Variants in MIER2 observed in about 807,000 individuals in gnomAD.
MIER2 encodes the protein mesoderm induction early response protein 2.
Under a neutral mutation model 67.6 loss-of-function variants are expected in MIER2, and 30 were observed. The observed-to-expected ratio is 0.44, with a 90% CI of 0.33 to 0.60. The LOEUF (loss-of-function observed/expected upper bound fraction) is 0.60. Among genes scored for constraint, MIER2 ranks in the 20% least tolerant of loss-of-function variants. MIER2 has a pLI of 0.02. For synonymous variants in MIER2, 372 were observed against 312.6 expected, an observed-to-expected ratio of 1.19 and a Z score of -2.00; for missense variants, 702 against 745.1, an observed-to-expected ratio of 0.94 and a Z score of 0.67.
chr19:314,866 G>T (rs993830310), intron 7 of MIER2, among the ~76,000 whole-genome samples: 2 of 151,980 alleles, frequency 1.3e-5, no homozygotes, highest in African/African-American at 4.8e-5. Flanking sequence ...GAGGTGGGAG[G>T]ATCGGTTGAG....
intron 7 of MIER2, among the ~76,000 whole-genome samples, chr19:324,715 A>AG (rs1287974190): frequency 3.3e-5 from 5 of 152,250 alleles, no homozygotes; most frequent in African/African-American, 9.6e-5. Context: ...ACCGAGTGGG[A>AG]GGGGCCAGCT....
At chr19:320,433 A>G (rs1366015580) in intron 7 of MIER2, among the ~76,000 whole-genome samples, 1 of 152,034 alleles carries the variant, frequency 6.6e-6, no homozygotes. Context: ...TAAAAAATAG[A>G]TACGTAAATA....
rs1272991965 is a variant in MIER2, at chr19:324,440, C to T, written c.655+1195G>A. ...ATAAAGACACACACAACCACGCAGA[C>T]GACTCGAATGACACAGACGTCATCA... is the stretch of plus-strand genomic sequence containing the variant. On this transcript the variant is annotated intron_variant, in intron 7 of 13. Transcript: ENST00000264819. Among the ~76,000 whole-genome samples the T allele has an allele frequency of 3.7e-5, 5 of 136,210 alleles. 1 individual carries two copies. The highest frequency in any genetic ancestry group is 2.3e-4 in the South Asian group (1 of 4,398). 89.4% of individuals were successfully genotyped at this position (136,210 alleles called of 152,430 possible). A position where few individuals can be genotyped will look rare whatever the true frequency, so the allele number is the denominator to read the frequency against.
intron 2 of MIER2, among the ~76,000 whole-genome samples, chr19:335,257 G>C (rs1972189642): frequency 6.6e-6 from 1 of 152,262 alleles, no homozygotes; most frequent in Non-Finnish European, 1.5e-5. Context: ...GGGCCTGGGA[G>C]TCCAGGGCAC....
At chr19:343,552 GGA>G (rs1568241944) in intron 1 of MIER2, among the ~76,000 whole-genome samples, 2 of 152,202 alleles carry the variant, frequency 1.3e-5, no homozygotes, top group Admixed American at 6.6e-5. Flanking sequence ...GTCACCAGGG[GGA>G]GAGAATGGCC....
At chr19:343,841 CA>C (rs1332459044) in intron 1 of MIER2, 3 of 985,226 alleles carry the variant, frequency 3.0e-6, no homozygotes. Flanking sequence ...CAGGGCCCTC[CA>C]AGGTGAAAGC....
At chr19:313,750 G>T in intron 7 of MIER2, 107 bp from the exon 8 acceptor site, 1 of 1,461,098 alleles carries the variant, frequency 6.8e-7, no homozygotes, top group Non-Finnish European at 9.2e-7. Context: ...AGGAGGCACT[G>T]TCCGTCCTCC....
chr19:316,356 G>A (rs1021213505), intron 7 of MIER2, among the ~76,000 whole-genome samples: 4 of 151,868 alleles, frequency 2.6e-5, no homozygotes, highest in Admixed American at 6.6e-5. Flanking sequence ...GCAGTGGTGC[G>A]ATCTTGGCTC....
chr19:340,998 A>G (rs1427302849), intron 1 of MIER2, among the ~76,000 whole-genome samples: 1 of 152,228 alleles, frequency 6.6e-6, no homozygotes, highest in Non-Finnish European at 1.5e-5. Context: ...TGGGTCTGGC[A>G]GAGATGGCCT....
chr19:328,461 A>T (rs911813222), intron 3 of MIER2, among the ~76,000 whole-genome samples: 3 of 152,110 alleles, frequency 2.0e-5, no homozygotes, highest in Non-Finnish European at 4.4e-5. Context: ...AAAACTACAT[A>T]AACAGGCCAG....
chr19:317,466 G>A (rs1405970186), intron 7 of MIER2, among the ~76,000 whole-genome samples: 1 of 151,994 alleles, frequency 6.6e-6, no homozygotes, highest in Non-Finnish European at 1.5e-5. Context: ...GGCGGAGCTT[G>A]CAGTGAGCTG....
At chr19:313,306 C>T (rs1971095530) in intron 8 of MIER2, among the ~76,000 whole-genome samples, 186 bp downstream of exon 8, 1 of 152,180 alleles carries the variant, frequency 6.6e-6, no homozygotes, top group South Asian at 2.1e-4. Context: ...TACACCTCCT[C>T]CCTGATACGT....
chr19:317,642 A>T (rs1290199011), intron 7 of MIER2, among the ~76,000 whole-genome samples: 1 of 151,250 alleles, frequency 6.6e-6, no homozygotes, highest in Non-Finnish European at 1.5e-5. Flanking sequence ...AGGTAGGAGA[A>T]TCACTTGAAC....
At position 309,870 on chromosome 19, in the gene MIER2, G is replaced by A. The variant is rs865870575; in HGVS notation, c.985-945C>T. On this transcript the variant is annotated intron_variant, in intron 10 of 13. Coordinates refer to ENST00000264819, the MANE Select transcript of MIER2 (RefSeq NM_017550.3). ...CACAAGGCTTCAGGGAGACGAGAAG[G>A]GACACACACGCACACAAGGCTTCAG... Among the ~76,000 whole-genome samples the A allele has an allele frequency of 1.0e-3, 9 of 8,820 alleles. 2 individuals carry two copies. Among genetic ancestry groups the A allele is most frequent in the Non-Finnish European group, 1.5e-3 (4 of 2,708 alleles). 5.8% of individuals were successfully genotyped at this position (8,820 alleles called of 152,430 possible).
At chr19:324,190 C>T (rs1000023456) in intron 7 of MIER2, among the ~76,000 whole-genome samples, 26 of 144,290 alleles carry the variant, frequency 1.8e-4, no homozygotes, top group Admixed American at 7.7e-4. Context: ...ACACACACAA[C>T]CACGCAGACG....
chr19:323,462 A>G (rs904388426), intron 7 of MIER2, among the ~76,000 whole-genome samples: 1 of 151,818 alleles, frequency 6.6e-6, no homozygotes, highest in Admixed American at 6.6e-5. Context: ...GACGACTCGA[A>G]TGACACAGGC....
intron 3 of MIER2, among the ~76,000 whole-genome samples, chr19:331,031 A>G (rs1971999244): frequency 1.3e-5 from 2 of 152,184 alleles, no homozygotes; most frequent in South Asian, 4.1e-4. Flanking sequence ...AACTTCAGCC[A>G]TAAGAGCCTA....
intron 1 of MIER2, among the ~76,000 whole-genome samples, chr19:342,467 A>AG (rs1157244479): frequency 6.6e-6 from 1 of 151,946 alleles, no homozygotes; most frequent in African/African-American, 2.4e-5. Flanking sequence ...GCCCTAGAGT[A>AG]GGGGGCAGAT....
rs1226943962 is a variant in MIER2, at chr19:312,246, G to C, written c.834C>G (p.Asn278Lys). 2.5e-6 allele frequency: 4 copies of C among 1,613,864 alleles called. No individual in the cohort carries two copies. The highest frequency in any genetic ancestry group is 3.4e-6 in the Non-Finnish European group (4 of 1,179,902). ...TTCGCAGGGCCTCCTCCACATTGAA[G>C]TTGCATTTCACCAACTCGTACAGCG... ...EQALYELVKC[N>K]FNVEEALRRL... Residue 278 changes from asparagine to lysine, a missense_variant, in exon 9 of 14, where the codon AAC becomes AAG. Physicochemically the swap from Asn to Lys is moderately conservative, Grantham distance 94. Around this residue, in one of 3 missense-constraint regions of MIER2, gnomAD observed 128 missense variants for 189.7 expected, o/e 0.67. Coordinates refer to ENST00000264819, the MANE Select transcript of MIER2 (RefSeq NM_017550.3).
Sources: gnomAD v4.1 joint callset for allele counts (sites outside exome capture counted in the v4.1 genomes callset) on GRCh38, gnomAD v4.1.1 for gene constraint, gnomAD v4.1.1 regional missense constraint, MANE v1.5 for transcripts, NCBI Gene and HGNC (gene_info 2026-07-23, HGNC 2026-07-21) for gene names.